UBE3D: variants seen among roughly 807,000 people sequenced by gnomAD.
UBE3D encodes the protein E3 ubiquitin-protein ligase E3D.
In UBE3D, 48 loss-of-function variants were observed where a neutral mutation model predicts 49.6. The ratio of observed to expected loss-of-function variants is 0.97; its 90% confidence interval spans 0.77 to 1.23. The LOEUF is 1.23. UBE3D is among the 50% of genes most tolerant of loss of function. The probability of loss-of-function intolerance (pLI) is 0.00; values close to 1 mark genes in which losing one functional copy is unlikely to be tolerated. For synonymous variants in UBE3D, 189 were observed against 174.2 expected, an observed-to-expected ratio of 1.08 and a Z score of -0.67; for missense variants, 452 against 468.4, an observed-to-expected ratio of 0.96 and a Z score of 0.32.
At chr6:82,978,529 C>A (rs909913702) in intron 8 of UBE3D, among the ~76,000 whole-genome samples, 1 of 152,094 alleles carries the variant, frequency 6.6e-6, no homozygotes, top group African/African-American at 2.4e-5. Flanking sequence ...GTTAAAGCAG[C>A]CTCATAAAAG....
intron 9 of UBE3D, among the ~76,000 whole-genome samples, chr6:82,908,211 G>C (rs1772242919): frequency 1.3e-5 from 2 of 152,096 alleles, no homozygotes; most frequent in South Asian, 4.1e-4. Context: ...ACACCTGAAG[G>C]GAACTTTATG....
Position 82,957,402 on chromosome 6 carries a change from C to A in UBE3D, c.1059G>T (p.Leu353=), listed in dbSNP as rs140681542. The change falls in exon 9 of 10, where the codon CTG becomes CTT. Residue 353 remains leucine (L), a synonymous_variant. Coordinates refer to ENST00000369747, the MANE Select transcript of UBE3D (RefSeq NM_198920.3). ...GCAGCTCCAAGCAGGTTGCAGAGGG[C>A]AGGGTTAGCGGGTGGACGCTGATGT... is the stretch of plus-strand genomic sequence containing the variant. ...ESDISVHPLT[L]PSATCLELLL... 5 of 1,613,908 alleles carry A rather than the reference C, an allele frequency of 3.1e-6. No homozygotes were observed. The East Asian group carries it at 1.1e-4, about 36-fold the overall frequency.
chr6:83,020,567 T>C (rs577349735), intron 7 of UBE3D, among the ~76,000 whole-genome samples: 103 of 152,276 alleles, frequency 6.8e-4, no homozygotes, highest in Non-Finnish European at 1.1e-3. Context: ...AAAATCTAAA[T>C]ATATGTTAGA....
intron 9 of UBE3D, among the ~76,000 whole-genome samples, chr6:82,920,487 T>C (rs932409570): frequency 6.6e-6 from 1 of 152,200 alleles, no homozygotes; most frequent in Non-Finnish European, 1.5e-5. Context: ...ATGCACCAAA[T>C]ATAAACAGAT....
intron 9 of UBE3D, among the ~76,000 whole-genome samples, chr6:82,903,105 C>A (rs962980892): frequency 6.6e-6 from 1 of 152,044 alleles, no homozygotes; most frequent in Non-Finnish European, 1.5e-5. Flanking sequence ...ACGAAGGAAT[C>A]CATAATCCAA....
Position 82,948,365 on chromosome 6 carries a change from A to G in UBE3D, c.1149+8947T>C, listed in dbSNP as rs1016620326. Among the ~76,000 whole-genome samples, 4 of 151,886 alleles carry G rather than the reference A, an allele frequency of 2.6e-5. No homozygotes were observed. In the East Asian group the frequency reaches 7.7e-4, roughly 29 times the overall value. ...GAACAGACCAAATGAGATGGAAGCCATAATACAAAGTTCCCCAGTAAAGAA... is the reference window on the plus strand; with the variant it reads ...GAACAGACCAAATGAGATGGAAGCCGTAATACAAAGTTCCCCAGTAAAGAA... On this transcript the variant is annotated intron_variant, in intron 9 of 9. Coordinates refer to ENST00000369747, the MANE Select transcript of UBE3D (RefSeq NM_198920.3).
At position 83,049,544 on chromosome 6, in the gene UBE3D, G is replaced by C. The variant is rs185346129; in HGVS notation, c.365+4604C>G. Among the ~76,000 whole-genome samples, 33 of 152,192 alleles carry C rather than the reference G, an allele frequency of 2.2e-4. 1 individual carries two copies. Among genetic ancestry groups the C allele is most frequent in the African/African-American group, 7.2e-4 (30 of 41,518 alleles). ...TTGTAGAAATGTGACTGTATTCTTG[G>C]GAGTAGTTATTTTCAGGTTACAATT... On this transcript the variant is annotated intron_variant, in intron 3 of 9. Coordinates refer to ENST00000369747, the MANE Select transcript of UBE3D (RefSeq NM_198920.3).
chr6:82,956,174 T>C (rs1463627897), intron 9 of UBE3D, among the ~76,000 whole-genome samples: 1 of 152,184 alleles, frequency 6.6e-6, no homozygotes, highest in African/African-American at 2.4e-5. Context: ...GCTCCTGAAG[T>C]TTTCTTAGGA....
intron 8 of UBE3D, among the ~76,000 whole-genome samples, chr6:82,968,129 A>G (rs1777081222): frequency 6.6e-6 from 1 of 152,158 alleles, no homozygotes; most frequent in Non-Finnish European, 1.5e-5. Context: ...TCCAGGATAA[A>G]AGGCCCCAAA....
At chr6:82,907,160 A>G (rs867616756) in intron 9 of UBE3D, among the ~76,000 whole-genome samples, 4 of 152,198 alleles carry the variant, frequency 2.6e-5, no homozygotes, top group Admixed American at 2.0e-4. Context: ...AAAGTGACTC[A>G]CTGCCTTATG....
chr6:82,997,960 T>C (rs1779359552), intron 8 of UBE3D, among the ~76,000 whole-genome samples: 2 of 41,040 alleles, frequency 4.9e-5, no homozygotes, highest in Admixed American at 3.1e-4. Context: ...GAATTAGGAA[T>C]GATTGATTTT....
chr6:83,012,723 T>A (rs1470826415), intron 8 of UBE3D, among the ~76,000 whole-genome samples: 1 of 152,238 alleles, frequency 6.6e-6, no homozygotes, highest in Non-Finnish European at 1.5e-5. Context: ...CTTCCAAATG[T>A]CTGACCATGT....
chr6:82,937,177 T>C (rs1337575798), intron 9 of UBE3D, among the ~76,000 whole-genome samples: 2 of 152,174 alleles, frequency 1.3e-5, no homozygotes, highest in Non-Finnish European at 2.9e-5. Context: ...TTCTAAATAT[T>C]CTCACTTTGC....
At chr6:83,052,066 C>T (rs1783506951) in intron 3 of UBE3D, among the ~76,000 whole-genome samples, 1 of 152,220 alleles carries the variant, frequency 6.6e-6, no homozygotes. Flanking sequence ...GTAGCTAATA[C>T]ATACTGAATG....
intron 8 of UBE3D, among the ~76,000 whole-genome samples, chr6:83,014,783 C>T (rs1780578214): frequency 6.6e-6 from 1 of 152,108 alleles, no homozygotes; most frequent in Admixed American, 6.6e-5. Flanking sequence ...CTCAAGGGGA[C>T]CCGGACTCCC....
At chr6:82,988,095 A>T (rs1478175367) in intron 8 of UBE3D, among the ~76,000 whole-genome samples, 1 of 152,238 alleles carries the variant, frequency 6.6e-6, no homozygotes, top group Non-Finnish European at 1.5e-5. Context: ...TATGACAGTC[A>T]ATAGTCTCTA....
intron 8 of UBE3D, among the ~76,000 whole-genome samples, chr6:82,990,867 G>A (rs907307314): frequency 6.6e-6 from 1 of 152,174 alleles, no homozygotes; most frequent in African/African-American, 2.4e-5. Context: ...TTGTTCCCAT[G>A]AACTTGGGGT....
At chr6:82,990,766 T>C (rs1385504131) in intron 8 of UBE3D, among the ~76,000 whole-genome samples, 3 of 152,172 alleles carry the variant, frequency 2.0e-5, no homozygotes, top group African/African-American at 4.8e-5. Flanking sequence ...AATGTGACCG[T>C]ACTCTCCCTC....
At chr6:83,008,487 C>T (rs1488180603) in intron 8 of UBE3D, among the ~76,000 whole-genome samples, 1 of 152,070 alleles carries the variant, frequency 6.6e-6, no homozygotes, top group Non-Finnish European at 1.5e-5. Flanking sequence ...GAAACGCTGG[C>T]TGAAGTGGGC....
Sources: allele counts gnomAD v4.1 joint callset (sites outside exome capture counted in the v4.1 genomes callset), GRCh38; gene constraint gnomAD v4.1.1; transcripts MANE v1.5; gene names NCBI Gene and HGNC (gene_info 2026-07-23, HGNC 2026-07-21).